The following PCDHGB7 variants were observed in gnomAD, a reference collection of about 807,000 sequenced individuals.
PCDHGB7 encodes protocadherin gamma-B7.
Under a neutral mutation model 61.4 loss-of-function variants are expected in PCDHGB7, and 37 were observed. The ratio of observed to expected loss-of-function variants is 0.60; its 90% CI spans 0.46 to 0.79. PCDHGB7 has a LOEUF of 0.79. Among genes scored for constraint, PCDHGB7 ranks in the 30% least tolerant of loss-of-function variants. The pLI is 0.00. For missense variants in PCDHGB7, 1,166 were observed against 1,202.5 expected (o/e 0.97, Z 0.45); for synonymous variants, 464 against 503.5 (o/e 0.92, Z 1.05).
chr5:141,478,882 A>G, intron 1 of PCDHGB7: 1 of 1,200,164 alleles, frequency 8.3e-7, no homozygotes. Context: ...TTAGCTTGGT[A>G]TCATTTACAT....
intron 1 of PCDHGB7, among the ~76,000 whole-genome samples, chr5:141,455,423 CA>C (rs2098822271): frequency 6.6e-6 from 1 of 152,040 alleles, no homozygotes; most frequent in Non-Finnish European, 1.5e-5. Flanking sequence ...AGCGGGGCTC[CA>C]AAAGAGGAGG....
At chr5:141,451,557 G>T (rs192150041) in intron 1 of PCDHGB7, among the ~76,000 whole-genome samples, 2 of 152,234 alleles carry the variant, frequency 1.3e-5, no homozygotes, top group East Asian at 3.9e-4. Context: ...TGTGATGAAA[G>T]CCACAATCTT....
At chr5:141,430,977 A>C (rs761722055) in intron 1 of PCDHGB7, 1 of 1,613,290 alleles carries the variant, frequency 6.2e-7, no homozygotes, top group South Asian at 1.1e-5. Context: ...GGTAGGACGC[A>C]GCTTTTCGCC....
chr5:141,466,573 C>T (rs2099125317), intron 1 of PCDHGB7, among the ~76,000 whole-genome samples: 1 of 152,104 alleles, frequency 6.6e-6, no homozygotes, highest in South Asian at 2.1e-4. Context: ...TCAACATTGT[C>T]TCATCCCTTC....
intron 1 of PCDHGB7, among the ~76,000 whole-genome samples, chr5:141,458,412 G>A (rs2098945236): frequency 6.6e-6 from 1 of 152,034 alleles, no homozygotes; most frequent in Non-Finnish European, 1.5e-5. Context: ...ACGGAGCGGG[G>A]GTTCCAAAGC....
At chr5:141,494,940 AG>A (rs888721888) in intron 2 of PCDHGB7, 75 bp downstream of exon 2, 1 of 1,610,860 alleles carries the variant, frequency 6.2e-7, no homozygotes, top group Non-Finnish European at 8.5e-7. Flanking sequence ...GAGATGGGGG[AG>A]GGCCCAGCAT....
chr5:141,503,212 C>G (rs1227936455), intron 2 of PCDHGB7, among the ~76,000 whole-genome samples: 1 of 152,074 alleles, frequency 6.6e-6, no homozygotes, highest in African/African-American at 2.4e-5. Flanking sequence ...CAGTGCCCAC[C>G]ATGAGCACCG....
chr5:141,433,079 A>C, intron 1 of PCDHGB7: 1 of 1,614,208 alleles, frequency 6.2e-7, no homozygotes, highest in South Asian at 1.1e-5. Flanking sequence ...CCCCCAGCCC[A>C]ACTATGCAGA....
chr5:141,453,067 C>A (rs1227122711), intron 1 of PCDHGB7, among the ~76,000 whole-genome samples: 1 of 152,024 alleles, frequency 6.6e-6, no homozygotes, highest in African/African-American at 2.4e-5. Context: ...AGAGTTTTGC[C>A]ACACTCTGGT....
chr5:141,425,482 C>G (rs1257043728), intron 1 of PCDHGB7, among the ~76,000 whole-genome samples: 1 of 152,192 alleles, frequency 6.6e-6, no homozygotes, highest in East Asian at 1.9e-4. Flanking sequence ...CCTATGGCAA[C>G]CTACTAGGCT....
intron 1 of PCDHGB7, among the ~76,000 whole-genome samples, chr5:141,459,095 G>A (rs61275874): frequency 0.28 from 42,440 of 152,066 alleles, 6,652 homozygotes; most frequent in African/African-American, 0.43. Context: ...ATTATACAGT[G>A]CAATGCATTT....
At chr5:141,460,883 C>T (rs371847673) in intron 1 of PCDHGB7, among the ~76,000 whole-genome samples, 2 of 149,996 alleles carry the variant, frequency 1.3e-5, no homozygotes, top group East Asian at 2.0e-4. Context: ...TATTTCATGC[C>T]TTTTCGTGGC....
rs768635851 is a variant in PCDHGB7 at position 141,489,334 on chromosome 5, C to G, written c.2416-5473C>G. 2 of 1,606,614 alleles carry G rather than the reference C, an allele frequency of 1.2e-6. No individual in the cohort carries two copies. Among genetic ancestry groups the G allele is most frequent in the Non-Finnish European group, 1.7e-6 (2 of 1,175,584 alleles). On this transcript the variant is annotated intron_variant, in intron 1 of 3. Coordinates refer to ENST00000398594, the MANE Select transcript of PCDHGB7 (RefSeq NM_018927.4). The surrounding 1 kb of genome is among the most constrained non-coding windows in gnomAD (Gnocchi z 4.5). Reference sequence around the variant, plus strand: ...CTGGGGCTGGGTGTCTGGGCAGCTTCGTTACTCAGTGGTGGAGGAGTCTGA... The same window carrying G: ...CTGGGGCTGGGTGTCTGGGCAGCTTGGTTACTCAGTGGTGGAGGAGTCTGA...
chr5:141,419,623 G>A lies in PCDHGB7; in HGVS notation c.1764G>A (p.Val588=). 1 of 1,612,328 alleles carries A rather than the reference G, an allele frequency of 6.2e-7. No individual in the cohort carries two copies. Among genetic ancestry groups the A allele is most frequent in the East Asian group, 2.2e-5 (1 of 44,880 alleles). Residue 588 remains valine, a synonymous_variant, in exon 1 of 4, where the codon GTG becomes GTA. Coordinates refer to ENST00000398594, the MANE Select transcript of PCDHGB7 (RefSeq NM_018927.4). ...GGGCCGCGCAGCCAGGCTACCTGGT[G>A]ACCAAGGTGGTGGCCGTGGACGCGG... ...VPRAAQPGYL[V]TKVVAVDADS...
chr5:141,478,293 T>C (rs2099444312), intron 1 of PCDHGB7: 2 of 1,614,026 alleles, frequency 1.2e-6, no homozygotes. Context: ...TCTAGAGACC[T>C]ATACCGAGCC....
At chr5:141,478,505 T>C (rs1298083274) in intron 1 of PCDHGB7, 3 of 1,612,032 alleles carry the variant, frequency 1.9e-6, no homozygotes, top group Non-Finnish European at 2.5e-6. Context: ...TCCGGTGTTC[T>C]ATAGGCAGGT....
rs2096370584 is a variant in PCDHGB7 at position 141,419,372 on chromosome 5, G to A, written c.1513G>A (p.Val505Met). Residue 505 changes from valine (V) to methionine (M), a missense_variant, in exon 1 of 4, where the codon GTG becomes ATG. Coordinates refer to ENST00000398594, the MANE Select transcript of PCDHGB7 (RefSeq NM_018927.4). The stretch of plus-strand genomic sequence containing the variant: ...GGAGTCACGAACGCTGTCGTCCTAC[G>A]TGTCCGTGAGCGCGCAGAGCGGGGT... ...DLESRTLSSY[V>M]SVSAQSGVVF... 2 of 1,613,728 alleles carry A rather than the reference G, an allele frequency of 1.2e-6. No homozygotes were observed. Among genetic ancestry groups the A allele is most frequent in the South Asian group, 1.1e-5 (1 of 91,088 alleles).
At chr5:141,500,469 AAAG>A (rs1479386829) in intron 2 of PCDHGB7, among the ~76,000 whole-genome samples, 1 of 152,052 alleles carries the variant, frequency 6.6e-6, no homozygotes, top group Non-Finnish European at 1.5e-5. Context: ...TCGGCCTCCC[AAAG>A]TGCTGGGATT....
intron 1 of PCDHGB7, among the ~76,000 whole-genome samples, chr5:141,464,404 T>G (rs1224596546): frequency 6.6e-6 from 1 of 151,532 alleles, no homozygotes; most frequent in African/African-American, 2.4e-5. Flanking sequence ...GAACCTGAGA[T>G]ATATATATAT....
Sources: allele counts gnomAD v4.1 joint callset (sites outside exome capture counted in the v4.1 genomes callset), GRCh38; gene constraint gnomAD v4.1.1; non-coding constraint Gnocchi (gnomAD v3.1); transcripts MANE v1.5; gene names NCBI Gene and HGNC (gene_info 2026-07-23, HGNC 2026-07-21).